OR52E4: variants seen among roughly 807,000 people sequenced by gnomAD.
The protein encoded by OR52E4 is olfactory receptor 52E4.
For missense variants in OR52E4, 444 were observed against 383.8 expected, an observed-to-expected ratio of 1.16 and a Z score of -1.31; for synonymous variants, 169 against 137.4, an observed-to-expected ratio of 1.23 and a Z score of -1.61.
At position 5,883,249 on chromosome 11, in the gene OR52E4, C is replaced by A. The variant is rs11039449; in HGVS notation, c.-74-970C>A. ...TCAGAATGACAGGATCTTGGAGAAA[C>A]TGGATTGTTCATGAAGATTTAGAAG... is the stretch of plus-strand genomic sequence containing the variant. On this transcript the variant is annotated intron_variant, in intron 1 of 1. Transcript: ENST00000641726. 1.8e-3 allele frequency among the ~76,000 whole-genome samples: 280 copies of A among 152,012 alleles called. 2 individuals are homozygous for A. In the East Asian group the frequency reaches 0.04, roughly 22 times the overall value.
At position 5,886,322 on chromosome 11, in the gene OR52E4, G is replaced by T. The variant is rs1188724373; in HGVS notation, c.*1091G>T. On this transcript the variant is annotated 3_prime_UTR_variant, in exon 2 of 2. Transcript: ENST00000641726. Reference sequence around the variant, plus strand: ...ATAAAGTAAGTCTTTGTGAATTTAGGGATATGAGAGACTACAGTGTGGGTA... The same window carrying T: ...ATAAAGTAAGTCTTTGTGAATTTAGTGATATGAGAGACTACAGTGTGGGTA... The T allele has an allele frequency of 6.6e-6, 1 of 151,684 alleles. No homozygotes were observed. Among genetic ancestry groups the T allele is most frequent in the Non-Finnish European group, 1.5e-5 (1 of 67,906 alleles). 9.4% of individuals were successfully genotyped at this position (151,684 alleles called of 1,614,324 possible).
At chr11:5,883,074 A>C (rs1208132560) in intron 1 of OR52E4, among the ~76,000 whole-genome samples, 1 of 152,058 alleles carries the variant, frequency 6.6e-6, no homozygotes, top group Non-Finnish European at 1.5e-5. Context: ...AAATTTGCTA[A>C]ATATTTGATC....
At position 5,884,395 on chromosome 11, in the gene OR52E4, A is replaced by T. The variant is rs751913262; in HGVS notation, c.103A>T (p.Ile35Phe). 6.2e-7 allele frequency: 1 copy of T among 1,613,140 alleles called. No homozygotes were observed. The highest frequency in any genetic ancestry group is 8.5e-7 in the Non-Finnish European group (1 of 1,179,374). Residue 35 changes from isoleucine to phenylalanine, a missense_variant, in exon 2 of 2, where the codon ATT becomes TTT. By Grantham distance (21) the Ile-to-Phe change is conservative. Coordinates refer to ENST00000641726, the MANE Select transcript of OR52E4 (RefSeq NM_001005165.2). ...LHIWISFPFC[I>F]VYLIAIVGNM... The stretch of plus-strand genomic sequence containing the variant: ...TATCTGGATTTCTTTCCCATTCTGT[A>T]TTGTGTACCTGATTGCCATTGTGGG...
intron 1 of OR52E4, among the ~76,000 whole-genome samples, chr11:5,881,349 A>C (rs1846961104): frequency 6.6e-6 from 1 of 152,142 alleles, no homozygotes. Flanking sequence ...CCAATGGCAC[A>C]GTTATGGAAG....
At position 5,884,518 on chromosome 11, in the gene OR52E4, T is replaced by C. The variant is rs779512897; in HGVS notation, c.226T>C (p.Ser76Pro). Residue 76 changes from serine (S) to proline (P), a missense_variant, in exon 2 of 2, where the codon TCC (serine) becomes CCC (proline). Ser to Pro is a moderately conservative substitution (Grantham distance 74). Transcript: ENST00000641726. ...GTTGTCTATGATTGATCTGGGTCTG[T>C]CCACATCCACTATCCCCAAAATGCT... ...AMLSMIDLGL[S>P]TSTIPKMLGI... 1.2e-6 allele frequency: 2 copies of C among 1,613,502 alleles called. No individual in the cohort carries two copies. Among genetic ancestry groups the C allele is most frequent in the Non-Finnish European group, 1.7e-6 (2 of 1,179,658 alleles).
In OR52E4 at chr11:5,884,619, T is replaced by A. The variant is rs1404609802; in HGVS notation, c.327T>A (p.Phe109Leu). 1.9e-6 allele frequency: 3 copies of A among 1,613,512 alleles called. No homozygotes were observed. The African/African-American group carries it at 4.0e-5, about 22-fold the overall frequency. Residue 109 changes from phenylalanine (F) to leucine (L), a missense_variant, in exon 2 of 2, where the codon TTT becomes TTA. Physicochemically the swap from Phe to Leu is conservative, Grantham distance 22. Coordinates refer to ENST00000641726, the MANE Select transcript of OR52E4 (RefSeq NM_001005165.2). ...TTCAGATGTTCTTTATTCACATGTT[T>A]ACAGGCATGGAGACTGTTCTGTTGG... ...CLLQMFFIHMFTGMETVLLVV... is the reference protein window; with the variant it reads ...CLLQMFFIHMLTGMETVLLVV...
In OR52E4 at chr11:5,887,000, T is replaced by G. The variant is rs1847053348; in HGVS notation, c.*1769T>G. The G allele has an allele frequency of 6.6e-6, 1 of 152,058 alleles. No homozygotes were observed. The highest frequency in any genetic ancestry group is 1.9e-4 in the East Asian group (1 of 5,172). The allele number at this position is 152,058 out of a possible 1,614,324, so 9.4% of individuals were successfully genotyped here. Reference sequence around the variant, plus strand: ...TTTTGCAGCTTCTGCTTCATGTACTTAACATTTTATGGGAACATAGGGTTT... The same window carrying G: ...TTTTGCAGCTTCTGCTTCATGTACTGAACATTTTATGGGAACATAGGGTTT... On this transcript the variant is annotated 3_prime_UTR_variant, in exon 2 of 2. Coordinates refer to ENST00000641726, the MANE Select transcript of OR52E4 (RefSeq NM_001005165.2).
chr11:5,880,940 CCCT>C (rs1309752653), intron 1 of OR52E4, among the ~76,000 whole-genome samples: 2 of 151,922 alleles, frequency 1.3e-5, no homozygotes, highest in East Asian at 3.9e-4. Flanking sequence ...TCTCTCTCCC[CCCT>C]TTCTCTCTGC....
Position 5,885,444 on chromosome 11 carries a change from T to A in OR52E4, c.*213T>A. ...CAAGTACCTGGACAAAGGTTAGAGA[T>A]TAATGGAGAAGGTAACTATGCTGAA... On this transcript the variant is annotated 3_prime_UTR_variant, in exon 2 of 2. Transcript: ENST00000641726. 1.2e-5 allele frequency: 6 copies of A among 481,590 alleles called. No individual in the cohort carries two copies. The South Asian group carries it at 2.1e-4, about 17-fold the overall frequency. The allele number at this position is 481,590 out of a possible 1,614,324, so 29.8% of individuals were successfully genotyped here. A position where few individuals can be genotyped will look rare whatever the true frequency, so the allele number is the denominator to read the frequency against.
chr11:5,884,166 C>T, intron 1 of OR52E4, 53 bp from the exon 2 acceptor site: 1 of 678,438 alleles, frequency 1.5e-6, no homozygotes, highest in Non-Finnish European at 2.6e-6. Context: ...TGTAAATTAA[C>T]CACCTATACC....
intron 1 of OR52E4, among the ~76,000 whole-genome samples, chr11:5,882,994 T>C (rs1004321964): frequency 6.6e-5 from 10 of 152,186 alleles, no homozygotes; most frequent in African/African-American, 1.7e-4. Context: ...AAAGTTAAAA[T>C]AAGGTAATTT....
chr11:5,885,442 G>C lies in OR52E4; in HGVS notation c.*211G>C, dbSNP rs1847029276. On this transcript the variant is annotated 3_prime_UTR_variant, in exon 2 of 2. Transcript: ENST00000641726. ...TCCAAGTACCTGGACAAAGGTTAGAGATTAATGGAGAAGGTAACTATGCTG... is the reference window on the plus strand; with the variant it reads ...TCCAAGTACCTGGACAAAGGTTAGACATTAATGGAGAAGGTAACTATGCTG... The C allele has an allele frequency of 2.1e-6, 1 of 484,262 alleles. No homozygotes were observed. The highest frequency in any genetic ancestry group is 3.8e-5 in the Admixed American group (1 of 26,508). The allele number at this position is 484,262 out of a possible 1,614,324, so 30.0% of individuals were successfully genotyped here.
Position 5,886,204 on chromosome 11 carries a change from C to G in OR52E4, c.*973C>G, listed in dbSNP as rs917411695. ...GTGTGTGTGTATGTGTACACACACA[C>G]ACACACACACACACATATATATATA... On this transcript the variant is annotated 3_prime_UTR_variant, in exon 2 of 2. Transcript: ENST00000641726. 1 of 137,752 alleles carries G rather than the reference C, an allele frequency of 7.3e-6. No homozygotes were observed. The highest frequency in any genetic ancestry group is 3.5e-5 in the African/African-American group (1 of 28,672). 8.5% of individuals were successfully genotyped at this position (137,752 alleles called of 1,614,324 possible).
chr11:5,881,551 G>A (rs1272636114), intron 1 of OR52E4, among the ~76,000 whole-genome samples: 1 of 151,978 alleles, frequency 6.6e-6, no homozygotes, highest in African/African-American at 2.4e-5. Context: ...CTTCACTTTG[G>A]CCTCTTCTGA....
Position 5,885,363 on chromosome 11 carries a change from T to C in OR52E4, c.*132T>C. 1 of 637,094 alleles carries C rather than the reference T, an allele frequency of 1.6e-6. No homozygotes were observed. The highest frequency in any genetic ancestry group is 2.8e-5 in the East Asian group (1 of 35,924). 39.5% of individuals were successfully genotyped at this position (637,094 alleles called of 1,614,324 possible). A position where few individuals can be genotyped will look rare whatever the true frequency, so the allele number is the denominator to read the frequency against. ...TTCCTTTTGACTGGAAGTGCTTTAG[T>C]GTTGACAGATAATGCAAACTTAAAA... On this transcript the variant is annotated 3_prime_UTR_variant, in exon 2 of 2. Coordinates refer to ENST00000641726, the MANE Select transcript of OR52E4 (RefSeq NM_001005165.2).
At chr11:5,883,831 T>G (rs1846997349) in intron 1 of OR52E4, among the ~76,000 whole-genome samples, 3 of 152,094 alleles carry the variant, frequency 2.0e-5, no homozygotes, top group Admixed American at 1.3e-4. Context: ...GGCTAAAAAT[T>G]TTCTATTATA....
chr11:5,885,093 A>C lies in OR52E4; in HGVS notation c.801A>C (p.Gln267His), dbSNP rs1221908414. The change falls in exon 2 of 2, where the codon CAA (glutamine) becomes CAC (histidine). Residue 267 changes from glutamine to histidine, a missense_variant. Gln to His is a conservative substitution (Grantham distance 24, BLOSUM62 0). Coordinates refer to ENST00000641726, the MANE Select transcript of OR52E4 (RefSeq NM_001005165.2). ...FFSFMTHRFGQNIPHYIHILL... is the reference protein window; with the variant it reads ...FFSFMTHRFGHNIPHYIHILL... The stretch of plus-strand genomic sequence containing the variant: ...CTTTTATGACACATCGTTTTGGCCA[A>C]AACATTCCCCACTATATCCATATTC... 6.2e-7 allele frequency: 1 copy of C among 1,613,538 alleles called. No individual in the cohort carries two copies. The highest frequency in any genetic ancestry group is 1.7e-5 in the Admixed American group (1 of 59,874).
At chr11:5,881,079 G>C (rs7125328) in intron 1 of OR52E4, among the ~76,000 whole-genome samples, 7,454 of 152,196 alleles carry the variant, frequency 0.049, 645 homozygotes, top group African/African-American at 0.17. Flanking sequence ...TAAGACAAAA[G>C]GATGTTATTG....
At position 5,884,490 on chromosome 11, in the gene OR52E4, CAT is replaced by C; in HGVS notation, c.199_200del (p.Met67ValfsTer5). 1 of 1,613,496 alleles carries C rather than the reference CAT, an allele frequency of 6.2e-7. No homozygotes were observed. The highest frequency in any genetic ancestry group is 8.5e-7 in the Non-Finnish European group (1 of 1,179,658). On this transcript the variant is annotated frameshift_variant, in exon 2 of 2. Transcript: ENST00000641726. LOFTEE classifies it low-confidence loss of function (END_TRUNC). ...ACCAGCCCATGTTCTACTTCCTGGCCATGTTGTCTATGATTGATCTGGGTCTG... is the reference window on the plus strand; with the variant it reads ...ACCAGCCCATGTTCTACTTCCTGGCCGTTGTCTATGATTGATCTGGGTCTG... ...LHQPMFYFLA[M>X]LSMIDLGLST... is the part of the protein sequence containing the mutation.
Sources: allele counts gnomAD v4.1 joint callset (sites outside exome capture counted in the v4.1 genomes callset), GRCh38; gene constraint gnomAD v4.1.1; transcripts MANE v1.5; gene names NCBI Gene and HGNC (gene_info 2026-07-23, HGNC 2026-07-21).